HERC1: variants seen among roughly 807,000 people sequenced by gnomAD.
The protein encoded by HERC1 is probable E3 ubiquitin-protein ligase HERC1.
Under a neutral mutation model 554.3 loss-of-function variants are expected in HERC1, and 160 were observed. The ratio of observed to expected loss-of-function variants is 0.29; its 90% CI spans 0.25 to 0.33. The LOEUF is 0.33. Ranked by LOEUF, HERC1 falls within the 10% of genes least tolerant of loss-of-function variation. The pLI is 1.00. For synonymous variants in HERC1, 2,175 were observed against 2,131.7 expected, an observed-to-expected ratio of 1.02 and a Z score of -0.56; for missense variants, 4,919 against 5,918.5, an observed-to-expected ratio of 0.83 and a Z score of 5.54.
intron 69 of HERC1, 65 bp downstream of exon 69, chr15:63,630,401 C>A: frequency 6.7e-7 from 1 of 1,498,392 alleles, no homozygotes; most frequent in Admixed American, 1.9e-5. Flanking sequence ...TATCTCTTTC[C>A]CCAACTGAGG....
chr15:63,675,692 A>C (rs2071163038), intron 37 of HERC1, among the ~76,000 whole-genome samples: 1 of 152,202 alleles, frequency 6.6e-6, no homozygotes, highest in South Asian at 2.1e-4. Flanking sequence ...GTTTAAGCCA[A>C]AATATAATTA....
chr15:63,658,664 T>A lies in HERC1; in HGVS notation c.9479A>T (p.Gln3160Leu). Residue 3160 changes from glutamine (Q) to leucine (L), a missense_variant, in exon 48 of 78, where the codon CAG becomes CTG. Coordinates refer to ENST00000443617, the MANE Select transcript of HERC1 (RefSeq NM_003922.4). ...SSSGRITLGEQAAALANPHDR... is the reference protein window; with the variant it reads ...SSSGRITLGELAAALANPHDR... ...ATGAGGGTTTGCTAGGGCAGCTGCC[T>A]GCTCTCCTAACGTTATTCTCCCAGA... is the stretch of plus-strand genomic sequence containing the variant. 1 of 1,613,918 alleles carries A rather than the reference T, an allele frequency of 6.2e-7. No individual in the cohort carries two copies. The highest frequency in any genetic ancestry group is 8.5e-7 in the Non-Finnish European group (1 of 1,179,778).
chr15:63,750,399 G>C (rs558698448), intron 8 of HERC1, among the ~76,000 whole-genome samples: 4 of 151,292 alleles, frequency 2.6e-5, no homozygotes, highest in Admixed American at 6.6e-5. Flanking sequence ...GGTTAGGTGG[G>C]AAAAAAAAAT....
At chr15:63,711,727 G>C (rs2073304280) in intron 24 of HERC1, among the ~76,000 whole-genome samples, 1 of 152,250 alleles carries the variant, frequency 6.6e-6, no homozygotes, top group African/African-American at 2.4e-5. Flanking sequence ...TTCTCTATGA[G>C]CTGTCACATG....
chr15:63,776,807 GAAAATA>G (rs2076132196), intron 1 of HERC1, among the ~76,000 whole-genome samples: 1 of 151,818 alleles, frequency 6.6e-6, no homozygotes, highest in African/African-American at 2.4e-5. Context: ...CTCTACATAA[GAAAATA>G]AAAATAAAAA....
intron 34 of HERC1, among the ~76,000 whole-genome samples, chr15:63,682,859 G>C (rs1446233869): frequency 2.6e-5 from 4 of 151,724 alleles, no homozygotes; most frequent in Non-Finnish European, 5.9e-5. Context: ...GCAAAGGCTG[G>C]GCACAATGGC....
intron 2 of HERC1, among the ~76,000 whole-genome samples, chr15:63,766,650 G>A (rs533164411): frequency 6.2e-4 from 95 of 152,308 alleles, no homozygotes; most frequent in Non-Finnish European, 9.6e-4. Flanking sequence ...TTTAAGTTTC[G>A]TAATACATTA....
chr15:63,633,517 C>T (rs1019068232), intron 67 of HERC1, among the ~76,000 whole-genome samples: 1 of 152,158 alleles, frequency 6.6e-6, no homozygotes, highest in Non-Finnish European at 1.5e-5. Context: ...CAGAGGGTTA[C>T]AAAGGATTAC....
At chr15:63,830,276 A>C (rs1284143795) in intron 1 of HERC1, among the ~76,000 whole-genome samples, 1 of 152,248 alleles carries the variant, frequency 6.6e-6, no homozygotes. Context: ...ATGTACCCCC[A>C]ATATGATGCA....
intron 2 of HERC1, among the ~76,000 whole-genome samples, chr15:63,769,149 G>A (rs2075873392): frequency 6.6e-6 from 1 of 152,208 alleles, no homozygotes; most frequent in Non-Finnish European, 1.5e-5. Flanking sequence ...CGGGCACAGT[G>A]GTTCACGCCT....
intron 1 of HERC1, among the ~76,000 whole-genome samples, chr15:63,795,798 G>A (rs544373459): frequency 6.6e-6 from 1 of 152,340 alleles, no homozygotes; most frequent in Admixed American, 6.5e-5. Context: ...TCCACTGGCT[G>A]GAACGGGACC....
At position 63,700,036 on chromosome 15, in the gene HERC1, T is replaced by G. The variant is rs537645187; in HGVS notation, c.4637-1040A>C. Among the ~76,000 whole-genome samples the G allele has an allele frequency of 1.2e-3, 183 of 152,260 alleles. 1 individual carries two copies. The highest frequency in any genetic ancestry group is 4.3e-3 in the African/African-American group (180 of 41,564). On this transcript the variant is annotated intron_variant, in intron 25 of 77. Coordinates refer to ENST00000443617, the MANE Select transcript of HERC1 (RefSeq NM_003922.4). ...GAAAACTAACAGTAACTTCTATCTATTTGCTCCTCCTCCAGCCCATCTCTT... is the reference window on the plus strand; with the variant it reads ...GAAAACTAACAGTAACTTCTATCTAGTTGCTCCTCCTCCAGCCCATCTCTT...
At chr15:63,744,537 G>GT (rs2074982877) in intron 12 of HERC1, among the ~76,000 whole-genome samples, 1 of 152,074 alleles carries the variant, frequency 6.6e-6, no homozygotes, top group African/African-American at 2.4e-5. Flanking sequence ...TTGTACTATG[G>GT]CTGAGCTGGC....
chr15:63,722,853 G>C (rs760768173), intron 19 of HERC1, among the ~76,000 whole-genome samples: 1 of 152,178 alleles, frequency 6.6e-6, no homozygotes, highest in Non-Finnish European at 1.5e-5. Context: ...GGTACTACCT[G>C]TGGTTTCAAG....
intron 1 of HERC1, among the ~76,000 whole-genome samples, chr15:63,806,165 G>GTT (rs370838548): frequency 2.1e-5 from 3 of 145,362 alleles, no homozygotes; most frequent in Non-Finnish European, 3.0e-5. Context: ...AACACAAGTG[G>GTT]TTTTTTTTTT....
rs1319879827 is a variant in HERC1, at chr15:63,775,548, C to G, written c.76G>C (p.Glu26Gln). ...LNSSWITEDS[E>Q]SIATREGVAV... Reference sequence around the variant, plus strand: ...ACTCCCTCTCTTGTAGCAATAGATTCACTGTCCTCTGTAATCCAGGAGCTG... The same window carrying G: ...ACTCCCTCTCTTGTAGCAATAGATTGACTGTCCTCTGTAATCCAGGAGCTG... Residue 26 changes from glutamate to glutamine, a missense_variant, in exon 2 of 78, where the codon GAA (glutamate) becomes CAA (glutamine). This residue lies in a region of HERC1 where 110 missense variants were observed against 99.3 expected (regional missense o/e 1.11). Coordinates refer to ENST00000443617, the MANE Select transcript of HERC1 (RefSeq NM_003922.4). This position sits in a 1 kb window ranked among gnomAD's most constrained non-coding sequence, Gnocchi z 4.0. 6.2e-7 allele frequency: 1 copy of G among 1,613,730 alleles called. No homozygotes were observed. Among genetic ancestry groups the G allele is most frequent in the Non-Finnish European group, 8.5e-7 (1 of 1,179,776 alleles).
At chr15:63,803,423 TTC>T (rs2077049582) in intron 1 of HERC1, among the ~76,000 whole-genome samples, 1 of 152,016 alleles carries the variant, frequency 6.6e-6, no homozygotes, top group South Asian at 2.1e-4. Context: ...TGCTCTTTTT[TTC>T]TCTCTTTTTT....
chr15:63,674,744 T>A lies in HERC1; in HGVS notation c.7444A>T (p.Thr2482Ser), dbSNP rs1248182157. Residue 2482 changes from threonine (T) to serine (S), a missense_variant, in exon 38 of 78, where the codon ACA becomes TCA. Transcript: ENST00000443617. ...TCATGATTTTTTCTTTTCCCTTCTG[T>A]TATTTGATGTTGGGATTCCACACTT... ...LPSVESQHQITEGKRKNHEHM... is the reference protein window; with the variant it reads ...LPSVESQHQISEGKRKNHEHM... 6.2e-7 allele frequency: 1 copy of A among 1,613,692 alleles called. No homozygotes were observed. Among genetic ancestry groups the A allele is most frequent in the Non-Finnish European group, 8.5e-7 (1 of 1,179,844 alleles).
chr15:63,632,901 C>T (rs1476417423), intron 67 of HERC1, 90 bp from the exon 68 acceptor site: 1 of 825,506 alleles, frequency 1.2e-6, no homozygotes, highest in Non-Finnish European at 1.9e-6. Flanking sequence ...GAACTACCTT[C>T]CAACAAAAAT....
Sources: gnomAD v4.1 joint callset for allele counts (sites outside exome capture counted in the v4.1 genomes callset) on GRCh38, gnomAD v4.1.1 for gene constraint, gnomAD v4.1.1 regional missense constraint, Gnocchi (gnomAD v3.1) non-coding constraint, MANE v1.5 for transcripts, NCBI Gene and HGNC (gene_info 2026-07-23, HGNC 2026-07-21) for gene names.